The following ZNF385D variants were observed in gnomAD, a reference collection of about 807,000 sequenced individuals.
The protein encoded by ZNF385D is zinc finger protein 659.
ZNF385D carries 15 observed loss-of-function variants against 35.8 expected under a neutral mutation model. That is an observed-to-expected ratio of 0.42 (90% CI 0.28 to 0.64). The LOEUF is 0.64. Ranked by LOEUF, ZNF385D falls within the 30% of genes least tolerant of loss-of-function variation. The probability of loss-of-function intolerance (pLI) is 0.23; values close to 1 mark genes in which losing one functional copy is unlikely to be tolerated. For synonymous variants in ZNF385D, 212 were observed against 186.8 expected (o/e 1.13, Z -1.10); for missense variants, 474 against 494.6 (o/e 0.96, Z 0.39).
intron 2 of ZNF385D, among the ~76,000 whole-genome samples, chr3:22,289,638 G>T (rs937105): frequency 0.16 from 24,600 of 152,018 alleles, 4,202 homozygotes; most frequent in African/African-American, 0.43. Flanking sequence ...TGGGAATGCC[G>T]GTGTGCTTAT....
chr3:22,314,859 G>GC (rs1167213830), intron 2 of ZNF385D, among the ~76,000 whole-genome samples: 1 of 152,174 alleles, frequency 6.6e-6, no homozygotes, highest in South Asian at 2.1e-4. Context: ...GACAGGGTCA[G>GC]CCCCCCAAAA....
intron 1 of ZNF385D, among the ~76,000 whole-genome samples, chr3:21,682,843 C>T (rs2066961298): frequency 6.7e-6 from 1 of 149,780 alleles, no homozygotes; most frequent in Non-Finnish European, 1.5e-5. Flanking sequence ...CAGCCATAGA[C>T]AGTATGTAAA....
chr3:21,839,205 T>C (rs902546069), intron 3 of ZNF385D, among the ~76,000 whole-genome samples: 11 of 152,166 alleles, frequency 7.2e-5, no homozygotes, highest in African/African-American at 2.6e-4. Context: ...GTCACTTCCA[T>C]TTTTTTGGTA....
chr3:22,194,541 C>T (rs1368362176), intron 2 of ZNF385D, among the ~76,000 whole-genome samples: 1 of 151,724 alleles, frequency 6.6e-6, no homozygotes, highest in African/African-American at 2.4e-5. Context: ...CAGTAAAATT[C>T]ACTGTCATTT....
intron 3 of ZNF385D, among the ~76,000 whole-genome samples, chr3:22,039,855 T>G (rs752249265): frequency 5.3e-5 from 8 of 152,146 alleles, no homozygotes; most frequent in Admixed American, 1.3e-4. Context: ...TTTTCCACCC[T>G]TTTCTATGAC....
chr3:21,851,769 G>T (rs1696401873), intron 3 of ZNF385D, among the ~76,000 whole-genome samples: 1 of 151,906 alleles, frequency 6.6e-6, no homozygotes, highest in South Asian at 2.1e-4. Flanking sequence ...CAACTATGAG[G>T]CCAGTCAGTC....
At chr3:21,804,375 A>G (rs1218045043) in intron 3 of ZNF385D, among the ~76,000 whole-genome samples, 1 of 152,228 alleles carries the variant, frequency 6.6e-6, no homozygotes, top group African/African-American at 2.4e-5. Flanking sequence ...GGGTGGTGGT[A>G]GCAGTTACCA....
At chr3:21,705,978 T>A (rs527277196) in intron 1 of ZNF385D, among the ~76,000 whole-genome samples, 4 of 152,284 alleles carry the variant, frequency 2.6e-5, no homozygotes, top group African/African-American at 9.6e-5. Flanking sequence ...CATGACTCGA[T>A]CAATGATGGC....
intron 3 of ZNF385D, among the ~76,000 whole-genome samples, chr3:22,099,815 G>T (rs565150293): frequency 1.3e-5 from 2 of 152,040 alleles, no homozygotes; most frequent in Non-Finnish European, 2.9e-5. Context: ...CACTAGCAGG[G>T]AGTGGGGGCT....
chr3:21,576,507 T>C (rs983202547), intron 2 of ZNF385D, among the ~76,000 whole-genome samples: 1 of 152,232 alleles, frequency 6.6e-6, no homozygotes, highest in African/African-American at 2.4e-5. Context: ...GGGATCCTAT[T>C]GTGGAATACC....
intron 2 of ZNF385D, among the ~76,000 whole-genome samples, chr3:22,180,450 C>T (rs937460975): frequency 6.6e-6 from 1 of 152,150 alleles, no homozygotes; most frequent in Non-Finnish European, 1.5e-5. Context: ...CCAGCATCAT[C>T]CTGATACCAA....
chr3:21,806,521 T>C (rs894473905), intron 3 of ZNF385D, among the ~76,000 whole-genome samples: 3 of 152,144 alleles, frequency 2.0e-5, no homozygotes, highest in African/African-American at 7.2e-5. Flanking sequence ...GCTCGTTTTA[T>C]AGTTAATTGG....
chr3:21,616,031 G>T (rs2064837083), intron 2 of ZNF385D, among the ~76,000 whole-genome samples: 1 of 152,126 alleles, frequency 6.6e-6, no homozygotes, highest in East Asian at 1.9e-4. Flanking sequence ...AGGAAAAATT[G>T]TAATCAGGCA....
Position 21,438,406 on chromosome 3 carries a change from T to G in ZNF385D, c.440-1203A>C, listed in dbSNP as rs555450045. Among the ~76,000 whole-genome samples, 5 of 152,306 alleles carry G rather than the reference T, an allele frequency of 3.3e-5. No homozygotes were observed. The East Asian group carries it at 9.7e-4, about 29-fold the overall frequency. On this transcript the variant is annotated intron_variant, in intron 4 of 7. Coordinates refer to ENST00000281523, the MANE Select transcript of ZNF385D (RefSeq NM_024697.3). Reference sequence around the variant, plus strand: ...GGCCAGGATGTAAGGACAAGTGGTCTGTCTGCAATTAAGTGTTGTCTGCAT... The same window carrying G: ...GGCCAGGATGTAAGGACAAGTGGTCGGTCTGCAATTAAGTGTTGTCTGCAT...
chr3:21,546,541 G>C, intron 3 of ZNF385D, among the ~76,000 whole-genome samples: 1 of 151,886 alleles, frequency 6.6e-6, no homozygotes, highest in Non-Finnish European at 1.5e-5. Flanking sequence ...TTATGATAAG[G>C]AGTCCATGCA....
At chr3:22,293,855 C>T (rs1314817381) in intron 2 of ZNF385D, among the ~76,000 whole-genome samples, 1 of 152,034 alleles carries the variant, frequency 6.6e-6, no homozygotes, top group Non-Finnish European at 1.5e-5. Context: ...TCCTGCAATC[C>T]CTCCAGGTAA....
At chr3:21,975,735 AT>A in intron 3 of ZNF385D, among the ~76,000 whole-genome samples, 1 of 21,988 alleles carries the variant, frequency 4.5e-5, no homozygotes, top group South Asian at 9.1e-4. Flanking sequence ...ATATATATAT[AT>A]ATATATATAT....
At chr3:22,184,440 C>G (rs182825722) in intron 2 of ZNF385D, among the ~76,000 whole-genome samples, 1 of 152,106 alleles carries the variant, frequency 6.6e-6, no homozygotes, top group East Asian at 1.9e-4. Context: ...ATCTTCAATA[C>G]TGTGTGTGCT....
chr3:22,164,321 C>G (rs1706172410), intron 3 of ZNF385D, among the ~76,000 whole-genome samples: 1 of 147,806 alleles, frequency 6.8e-6, no homozygotes, highest in East Asian at 2.0e-4. Flanking sequence ...CTCTGCCTCC[C>G]GGGTTCAAGT....
Sources: gnomAD v4.1 joint callset for allele counts (sites outside exome capture counted in the v4.1 genomes callset) on GRCh38, gnomAD v4.1.1 for gene constraint, MANE v1.5 for transcripts, NCBI Gene and HGNC (gene_info 2026-07-23, HGNC 2026-07-21) for gene names.